The following MAK variants were observed in gnomAD, a reference collection of about 807,000 sequenced individuals.
The protein encoded by MAK is serine/threonine-protein kinase MAK.
A neutral mutation model predicts 82.6 loss-of-function variants in MAK; 65 were observed. The observed-to-expected ratio is 0.79, with a 90% confidence interval of 0.64 to 0.97. The LOEUF (loss-of-function observed/expected upper bound fraction) is 0.97, where lower values mean the gene tolerates loss of function less well. MAK is among the 50% of genes least tolerant of loss of function. The probability of loss-of-function intolerance (pLI) is 0.00; values close to 1 mark genes in which losing one functional copy is unlikely to be tolerated. For missense variants in MAK, 703 were observed against 780.2 expected (o/e 0.90, Z 1.18); for synonymous variants, 250 against 274.2 (o/e 0.91, Z 0.87).
intron 1 of MAK, among the ~76,000 whole-genome samples, chr6:10,832,116 G>A (rs1778858281): frequency 6.6e-6 from 1 of 152,124 alleles, no homozygotes; most frequent in Non-Finnish European, 1.5e-5. Flanking sequence ...ACCCCCAGTA[G>A]CTGGGATTAC....
chr6:10,811,118 C>T (rs926555486), intron 5 of MAK, among the ~76,000 whole-genome samples: 2 of 152,222 alleles, frequency 1.3e-5, no homozygotes, highest in South Asian at 2.1e-4. Context: ...CCTGCCTCAG[C>T]GTCCCAAGTA....
At chr6:10,784,783 A>T in intron 10 of MAK, 1 of 488,190 alleles carries the variant, frequency 2.0e-6, no homozygotes, top group Non-Finnish European at 3.8e-6. Context: ...TGATACCAGT[A>T]TGTGACAGGA....
rs1341598207 is a variant in MAK at position 10,813,681 on chromosome 6, A to T, written c.321T>A (p.Tyr107Ter). The T allele has an allele frequency of 6.2e-7, 1 of 1,606,630 alleles. No homozygotes were observed. Among genetic ancestry groups the T allele is most frequent in the Admixed American group, 1.7e-5 (1 of 59,982 alleles). Residue 107 changes from tyrosine (Y) to a stop codon, truncating the protein, a stop_gained, in exon 5 of 15, where the codon TAT becomes TAA. Transcript: ENST00000354489. LOFTEE classifies it high-confidence loss of function. Reference sequence around the variant, plus strand: ...TAAAAGCCAGCCCTTGCAATATTTGATACATAATATTTCTGATGACTGATT... The same window carrying T: ...TAAAAGCCAGCCCTTGCAATATTTGTTACATAATATTTCTGATGACTGATT... ...FPESVIRNIMYQILQGLAFIH... is the reference protein window; with the variant it reads ...FPESVIRNIM
At chr6:10,826,448 C>T (rs140659492) in intron 2 of MAK, 3 of 152,130 alleles carry the variant, frequency 2.0e-5, no homozygotes, top group Non-Finnish European at 2.9e-5. Flanking sequence ...TATTTTGTCC[C>T]GATCATGAAA....
chr6:10,831,529 A>G (rs117931004), intron 1 of MAK, among the ~76,000 whole-genome samples: 2 of 152,180 alleles, frequency 1.3e-5, no homozygotes, highest in East Asian at 3.9e-4. Context: ...AGGCAGGAGG[A>G]TTGTAGAGGC....
chr6:10,833,314 C>T (rs899026089), intron 1 of MAK, among the ~76,000 whole-genome samples: 4 of 152,178 alleles, frequency 2.6e-5, no homozygotes, highest in East Asian at 1.9e-4. Context: ...TTTAATAATA[C>T]GGAGTGTGGG....
At chr6:10,816,798 A>G (rs1777534841) in intron 4 of MAK, among the ~76,000 whole-genome samples, 1 of 152,170 alleles carries the variant, frequency 6.6e-6, no homozygotes, top group Admixed American at 6.5e-5. Context: ...GAAGCTTAGT[A>G]TAGCCATTTA....
chr6:10,769,113 C>A (rs752286371), intron 14 of MAK, among the ~76,000 whole-genome samples: 4 of 152,088 alleles, frequency 2.6e-5, no homozygotes, highest in Admixed American at 6.6e-5. Flanking sequence ...ACTCAGAAGG[C>A]GGAGGCAGGA....
Position 10,776,254 on chromosome 6 carries a change from G to C in MAK, c.1466-795C>G, listed in dbSNP as rs562546196. 6.6e-6 allele frequency among the ~76,000 whole-genome samples: 1 copy of C among 152,144 alleles called. No individual in the cohort carries two copies. Among genetic ancestry groups the C allele is most frequent in the Non-Finnish European group, 1.5e-5 (1 of 68,030 alleles). On this transcript the variant is annotated intron_variant, in intron 11 of 14. Transcript: ENST00000354489. This position sits in a 1 kb window ranked among gnomAD's most constrained non-coding sequence, Gnocchi z 4.3. Reference sequence around the variant, plus strand: ...TTTGTATATGAGATACAGTAAAATGGAAACAGTTTATCCCCTGTGCGCCAG... The same window carrying C: ...TTTGTATATGAGATACAGTAAAATGCAAACAGTTTATCCCCTGTGCGCCAG...
chr6:10,815,805 C>T (rs1319937568), intron 4 of MAK, among the ~76,000 whole-genome samples: 2 of 151,296 alleles, frequency 1.3e-5, no homozygotes, highest in Non-Finnish European at 2.9e-5. Context: ...TTTTCAAAAT[C>T]TGATGTGCAA....
At chr6:10,830,488 G>C in intron 2 of MAK, 60 bp downstream of exon 2, 1 of 1,366,080 alleles carries the variant, frequency 7.3e-7, no homozygotes, top group Non-Finnish European at 1.0e-6. Context: ...TCTTAAGCGA[G>C]GACAGGAAAA....
intron 1 of MAK, among the ~76,000 whole-genome samples, chr6:10,836,534 C>A (rs1779158767): frequency 6.6e-6 from 1 of 152,180 alleles, no homozygotes; most frequent in Admixed American, 6.5e-5. Flanking sequence ...TGTGGCATAG[C>A]AACTACTGAT....
In MAK at chr6:10,819,972, C is replaced by T. The variant is rs1260028073; in HGVS notation, c.102-1032G>A. ...CTAAAAATACAAAAAATTAGCCAGG[C>T]GTGGTGGCGGGCACCTGTAGTCCCA... On this transcript the variant is annotated intron_variant, in intron 2 of 14. Transcript: ENST00000354489. 4.0e-5 allele frequency among the ~76,000 whole-genome samples: 6 copies of T among 151,736 alleles called. No individual in the cohort carries two copies. In the South Asian group the frequency reaches 1.0e-3, roughly 26 times the overall value.
At chr6:10,804,128 G>T (rs1776227953) in intron 6 of MAK, among the ~76,000 whole-genome samples, 2 of 152,120 alleles carry the variant, frequency 1.3e-5, no homozygotes, top group Non-Finnish European at 2.9e-5. Flanking sequence ...TGTCCATCAA[G>T]CCTAAGACAG....
intron 13 of MAK, among the ~76,000 whole-genome samples, chr6:10,771,400 A>G (rs960753830): frequency 6.6e-6 from 1 of 152,168 alleles, no homozygotes; most frequent in Non-Finnish European, 1.5e-5. Flanking sequence ...CGCCCCTGGG[A>G]TCTGGCCACT....
At chr6:10,784,856 T>A (rs757207833) in intron 10 of MAK, 2 of 560,700 alleles carry the variant, frequency 3.6e-6, no homozygotes, top group South Asian at 3.1e-5. Flanking sequence ...CTGCAACGGC[T>A]GCAGTTGGAT....
In MAK at chr6:10,795,972, T is replaced by C. The variant is rs371022781; in HGVS notation, c.1143+26A>G. The C allele has an allele frequency of 1.5e-5, 24 of 1,608,064 alleles. No homozygotes were observed. The African/African-American group carries it at 2.9e-4, about 20-fold the overall frequency. Reference sequence around the variant, plus strand: ...AATTGCACGAGTCAAACTATTTCATTGCAAGTGTCATGACTGGCTACTCAC... The same window carrying C: ...AATTGCACGAGTCAAACTATTTCATCGCAAGTGTCATGACTGGCTACTCAC... On this transcript the variant is annotated intron_variant, in intron 9 of 14. Coordinates refer to ENST00000354489, the MANE Select transcript of MAK (RefSeq NM_001242957.3).
At position 10,797,820 on chromosome 6, in the gene MAK, C is replaced by T. The variant is rs886275810; in HGVS notation, c.832-1511G>A. 2.3e-6 allele frequency: 3 copies of T among 1,281,136 alleles called. No homozygotes were observed. In the African/African-American group the frequency reaches 4.6e-5, roughly 20 times the overall value. 79.4% of individuals were successfully genotyped at this position (1,281,136 alleles called of 1,614,324 possible). A position where few individuals can be genotyped will look rare whatever the true frequency, so the allele number is the denominator to read the frequency against. Reference sequence around the variant, plus strand: ...TTTAAATGGTCTTCATATTCTACAACTTAACCAACCTCTCTCCCTAATTAG... The same window carrying T: ...TTTAAATGGTCTTCATATTCTACAATTTAACCAACCTCTCTCCCTAATTAG... On this transcript the variant is annotated intron_variant, in intron 8 of 14. Coordinates refer to ENST00000354489, the MANE Select transcript of MAK (RefSeq NM_001242957.3).
chr6:10,805,479 C>A (rs540549147), intron 6 of MAK, among the ~76,000 whole-genome samples: 1 of 151,044 alleles, frequency 6.6e-6, no homozygotes, highest in African/African-American at 2.4e-5. Flanking sequence ...CTCAGCTACT[C>A]GAGAGGCTGA....
Sources: gnomAD v4.1 joint callset for allele counts (sites outside exome capture counted in the v4.1 genomes callset) on GRCh38, gnomAD v4.1.1 for gene constraint, Gnocchi (gnomAD v3.1) non-coding constraint, MANE v1.5 for transcripts, NCBI Gene and HGNC (gene_info 2026-07-23, HGNC 2026-07-21) for gene names.